Variants in TJP1 observed in about 807,000 individuals in gnomAD.
The protein encoded by TJP1 is tight junction protein 1, also known as tight junction protein ZO-1.
Under a neutral mutation model 194.2 loss-of-function variants are expected in TJP1, and 43 were observed. The ratio of observed to expected loss-of-function variants is 0.22; its 90% CI spans 0.17 to 0.29. The LOEUF is 0.29. Ranked by LOEUF, TJP1 falls within the 10% of genes least tolerant of loss-of-function variation. The pLI is 1.00. For synonymous variants in TJP1, 801 were observed against 779.0 expected (o/e 1.03, Z -0.47); for missense variants, 1,971 against 2,185.7 (o/e 0.90, Z 1.96).
At chr15:29,924,789 T>G (rs2054474390) in intron 2 of TJP1, among the ~76,000 whole-genome samples, 1 of 144,640 alleles carries the variant, frequency 6.9e-6, no homozygotes, top group Non-Finnish European at 1.5e-5. Context: ...TAAACGGAGA[T>G]CTTAACCCTA....
At chr15:29,949,428 C>G in intron 2 of TJP1, among the ~76,000 whole-genome samples, 1 of 145,824 alleles carries the variant, frequency 6.9e-6, no homozygotes, top group Non-Finnish European at 1.5e-5. Context: ...ACCTCCACAA[C>G]CACCACCTCC....
At chr15:29,884,201 A>G (rs963121686) in intron 2 of TJP1, among the ~76,000 whole-genome samples, 3 of 152,242 alleles carry the variant, frequency 2.0e-5, no homozygotes, top group African/African-American at 4.8e-5. Flanking sequence ...TGAGTAAACT[A>G]AACAGATGTC....
intron 2 of TJP1, among the ~76,000 whole-genome samples, chr15:29,864,685 G>GT (rs142782505): frequency 0.011 from 1,647 of 152,184 alleles, 28 homozygotes; most frequent in African/African-American, 0.038. Flanking sequence ...CTTTTTTGTG[G>GT]TGCTGGCATG....
chr15:29,732,937 T>A, intron 13 of TJP1, 122 bp from the exon 14 acceptor site: 2 of 1,252,460 alleles, frequency 1.6e-6, no homozygotes, highest in East Asian at 5.0e-5. Flanking sequence ...ATCTTAATGG[T>A]TATAATAAAG....
chr15:29,815,007 C>A (rs2049812992), intron 1 of TJP1, among the ~76,000 whole-genome samples: 1 of 152,114 alleles, frequency 6.6e-6, no homozygotes, highest in South Asian at 2.1e-4. Context: ...AAGCTGTGTT[C>A]TTGTGGTAAA....
At chr15:29,803,449 CAT>C (rs562879317) in intron 1 of TJP1, among the ~76,000 whole-genome samples, 17 of 152,052 alleles carry the variant, frequency 1.1e-4, no homozygotes, top group Non-Finnish European at 2.2e-4. Flanking sequence ...GTGTTCTGAG[CAT>C]GGTTAAGGTA....
At chr15:29,891,597 T>G (rs891874594) in intron 2 of TJP1, among the ~76,000 whole-genome samples, 1 of 152,234 alleles carries the variant, frequency 6.6e-6, no homozygotes, top group South Asian at 2.1e-4. Flanking sequence ...CCCTTTGTGA[T>G]TCCATGTCAC....
chr15:29,914,224 T>A (rs1000295867), intron 2 of TJP1, among the ~76,000 whole-genome samples: 5 of 152,180 alleles, frequency 3.3e-5, no homozygotes, highest in Non-Finnish European at 7.3e-5. Context: ...ATAAATATAG[T>A]TTCTTCCCTG....
chr15:29,761,505 T>C lies in TJP1; in HGVS notation c.862+96A>G, dbSNP rs2046005701. 60 of 1,455,632 alleles carry C rather than the reference T, an allele frequency of 4.1e-5. 1 individual carries two copies. The South Asian group carries it at 8.4e-4, about 20-fold the overall frequency. 90.2% of individuals were successfully genotyped at this position (1,455,632 alleles called of 1,614,324 possible). On this transcript the variant is annotated intron_variant, in intron 7 of 27. Transcript: ENST00000614355. ...ATAGATTTTGAAGGTGTTTGGCTGG[T>C]AGAAAATTATCATTTCATTCAAAGA...
At chr15:29,898,884 C>G (rs2053556320) in intron 2 of TJP1, among the ~76,000 whole-genome samples, 1 of 152,048 alleles carries the variant, frequency 6.6e-6, no homozygotes, top group African/African-American at 2.4e-5. Context: ...CAATAAAATG[C>G]TTATTAAATA....
chr15:29,723,392 C>A (rs1047331177), intron 18 of TJP1, among the ~76,000 whole-genome samples: 1 of 152,182 alleles, frequency 6.6e-6, no homozygotes. Context: ...GTACTCCCCC[C>A]TTCTCTCTCT....
intron 2 of TJP1, among the ~76,000 whole-genome samples, chr15:29,786,219 C>T (rs1365986666): frequency 6.6e-6 from 1 of 152,148 alleles, no homozygotes. Context: ...TATTCTTACT[C>T]TCATTCTTTT....
chr15:29,767,934 C>G (rs944979087), intron 4 of TJP1, among the ~76,000 whole-genome samples: 1 of 152,156 alleles, frequency 6.6e-6, no homozygotes, highest in African/African-American at 2.4e-5. Context: ...AATTACCATA[C>G]TCCAGGTTAC....
chr15:29,749,298 T>C (rs1715401874), intron 8 of TJP1, among the ~76,000 whole-genome samples: 1 of 152,206 alleles, frequency 6.6e-6, no homozygotes, highest in African/African-American at 2.4e-5. Flanking sequence ...ATAGGTCACA[T>C]GAACGGACTC....
intron 1 of TJP1, among the ~76,000 whole-genome samples, chr15:29,967,784 T>C (rs993494699): frequency 4.6e-5 from 7 of 152,210 alleles, no homozygotes; most frequent in Admixed American, 4.6e-4. Flanking sequence ...AACCTTAGGA[T>C]TAAATTAGAC....
chr15:29,918,329 G>A (rs2054250857), intron 2 of TJP1, among the ~76,000 whole-genome samples: 1 of 152,126 alleles, frequency 6.6e-6, no homozygotes, highest in African/African-American at 2.4e-5. Flanking sequence ...GCTTTCTAGT[G>A]ATTCACTCTT....
At chr15:29,841,504 C>A (rs1400407386) in intron 2 of TJP1, among the ~76,000 whole-genome samples, 1 of 152,152 alleles carries the variant, frequency 6.6e-6, no homozygotes, top group South Asian at 2.1e-4. Flanking sequence ...TATGAAAAGG[C>A]TGCATTTCTT....
intron 2 of TJP1, among the ~76,000 whole-genome samples, chr15:29,829,215 AAAACT>A (rs1315808251): frequency 6.6e-6 from 1 of 152,218 alleles, no homozygotes; most frequent in Non-Finnish European, 1.5e-5. Flanking sequence ...ACATTTGTTG[AAAACT>A]AAACGATTAA....
At chr15:29,858,720 T>C (rs186229096) in intron 2 of TJP1, among the ~76,000 whole-genome samples, 1 of 151,824 alleles carries the variant, frequency 6.6e-6, no homozygotes, top group East Asian at 1.9e-4. Flanking sequence ...AGTTTTTGTA[T>C]TTTTTTTGTA....
Sources: allele counts gnomAD v4.1 joint callset (sites outside exome capture counted in the v4.1 genomes callset), GRCh38; gene constraint gnomAD v4.1.1; transcripts MANE v1.5; gene names NCBI Gene and HGNC (gene_info 2026-07-23, HGNC 2026-07-21).